Variants in RANBP17 observed in about 807,000 individuals in gnomAD.
RANBP17 encodes the protein ran-binding protein 17.
In RANBP17, 158 loss-of-function variants were observed where a neutral mutation model predicts 141.2. That is an observed-to-expected ratio of 1.12 (90% confidence interval 0.98 to 1.28). The LOEUF (loss-of-function observed/expected upper bound fraction) is 1.28, where lower values mean the gene tolerates loss of function less well. Among genes scored for constraint, RANBP17 ranks in the 50% most tolerant of loss-of-function variants. RANBP17 has a pLI of 0.00. For missense variants in RANBP17, 1,438 were observed against 1,290.7 expected, an observed-to-expected ratio of 1.11 and a Z score of -1.75; for synonymous variants, 430 against 450.0, an observed-to-expected ratio of 0.96 and a Z score of 0.56.
intron 12 of RANBP17, among the ~76,000 whole-genome samples, chr5:170,948,905 A>G (rs1219772776): frequency 6.6e-6 from 1 of 152,104 alleles, no homozygotes; most frequent in Non-Finnish European, 1.5e-5. Flanking sequence ...TAATCCCAGC[A>G]GTTTGGGAGG....
intron 24 of RANBP17, among the ~76,000 whole-genome samples, chr5:171,249,200 A>G (rs1316398641): frequency 6.6e-6 from 1 of 152,164 alleles, no homozygotes; most frequent in Non-Finnish European, 1.5e-5. Context: ...ATACTACACT[A>G]CTATACTACT....
At chr5:170,999,353 T>G (rs942795863) in intron 14 of RANBP17, among the ~76,000 whole-genome samples, 8 of 152,270 alleles carry the variant, frequency 5.3e-5, no homozygotes, top group African/African-American at 1.9e-4. Context: ...TGGCTTTATT[T>G]TATACTGCTA....
At chr5:171,061,129 T>G (rs1402969490) in intron 14 of RANBP17, among the ~76,000 whole-genome samples, 2 of 152,130 alleles carry the variant, frequency 1.3e-5, no homozygotes, top group Non-Finnish European at 2.9e-5. Flanking sequence ...GATTCATTGA[T>G]TTTTGGAAGG....
intron 24 of RANBP17, among the ~76,000 whole-genome samples, chr5:171,258,350 A>G (rs1050143178): frequency 6.6e-6 from 1 of 152,136 alleles, no homozygotes; most frequent in Non-Finnish European, 1.5e-5. Context: ...CTATCAAAAT[A>G]CCATCCTTCT....
intron 27 of RANBP17, among the ~76,000 whole-genome samples, chr5:171,297,845 T>G (rs1768912312): frequency 7.3e-6 from 1 of 136,204 alleles, no homozygotes; most frequent in Non-Finnish European, 1.6e-5. Context: ...CCCAATAAAT[T>G]CTTTTTTTTT....
intron 14 of RANBP17, among the ~76,000 whole-genome samples, chr5:171,152,179 G>A (rs1353560080): frequency 2.0e-5 from 3 of 151,718 alleles, no homozygotes; most frequent in East Asian, 1.9e-4. Flanking sequence ...TTGGGAGTCC[G>A]AGGCAGGAGG....
At chr5:171,251,252 CT>C (rs1408301154) in intron 24 of RANBP17, among the ~76,000 whole-genome samples, 23 of 147,286 alleles carry the variant, frequency 1.6e-4, no homozygotes, top group Admixed American at 3.4e-4. Context: ...CCATGCCCAG[CT>C]TTTTTTTTTA....
Position 171,299,212 on chromosome 5 carries a change from T to A in RANBP17, c.*354T>A. The A allele has an allele frequency of 4.0e-6, 1 of 247,944 alleles. No homozygotes were observed. Among genetic ancestry groups the A allele is most frequent in the Non-Finnish European group, 7.9e-6 (1 of 127,096 alleles). The allele number at this position is 247,944 out of a possible 1,614,324, so 15.4% of individuals were successfully genotyped here. Reference sequence around the variant, plus strand: ...CTAGTTTATGGTTCTGCAGTCAAGGTTGTCAATTTGTTGGAGATGCAGCCT... The same window carrying A: ...CTAGTTTATGGTTCTGCAGTCAAGGATGTCAATTTGTTGGAGATGCAGCCT... On this transcript the variant is annotated 3_prime_UTR_variant, in exon 28 of 28. Coordinates refer to ENST00000523189, the MANE Select transcript of RANBP17 (RefSeq NM_022897.5).
At chr5:171,088,917 T>C (rs374876184) in intron 14 of RANBP17, among the ~76,000 whole-genome samples, 45 of 152,102 alleles carry the variant, frequency 3.0e-4, no homozygotes, top group Admixed American at 1.6e-3. Flanking sequence ...AATGTCCTCC[T>C]GTAGCTCAGA....
chr5:171,076,380 T>C (rs949331840), intron 14 of RANBP17, among the ~76,000 whole-genome samples: 1 of 152,210 alleles, frequency 6.6e-6, no homozygotes, highest in Non-Finnish European at 1.5e-5. Context: ...ACTGGAAATA[T>C]CACTATAATC....
chr5:171,279,536 A>G (rs1234743447), intron 25 of RANBP17, among the ~76,000 whole-genome samples: 1 of 152,206 alleles, frequency 6.6e-6, no homozygotes, highest in African/African-American at 2.4e-5. Context: ...CAGAGCCCTC[A>G]TGCCTAATCA....
chr5:171,228,633 T>C (rs1262951601), intron 22 of RANBP17, among the ~76,000 whole-genome samples: 1 of 152,218 alleles, frequency 6.6e-6, no homozygotes, highest in Non-Finnish European at 1.5e-5. Flanking sequence ...TACAGAGAAA[T>C]CTTTTGTGAA....
intron 11 of RANBP17, among the ~76,000 whole-genome samples, chr5:170,920,660 A>G (rs1332433943): frequency 6.6e-6 from 1 of 152,014 alleles, no homozygotes; most frequent in Non-Finnish European, 1.5e-5. Context: ...CATGTGCACA[A>G]TGTCTTGCCA....
chr5:170,935,230 C>G (rs1397992713), intron 12 of RANBP17, among the ~76,000 whole-genome samples: 2 of 152,310 alleles, frequency 1.3e-5, no homozygotes, highest in South Asian at 4.1e-4. Context: ...GGTTTAGCTT[C>G]TTTGCAATGG....
intron 14 of RANBP17, among the ~76,000 whole-genome samples, chr5:171,158,866 T>G (rs1165039197): frequency 1.3e-5 from 2 of 152,188 alleles, no homozygotes; most frequent in East Asian, 3.9e-4. Context: ...CTCTCTAACC[T>G]TCCTAAAGAT....
chr5:170,971,712 C>T (rs1009398531), intron 14 of RANBP17, among the ~76,000 whole-genome samples: 2 of 152,100 alleles, frequency 1.3e-5, no homozygotes, highest in Admixed American at 1.3e-4. Flanking sequence ...GTGAATTTTA[C>T]TTTTGGAGTA....
In RANBP17 at chr5:170,917,892, CA is replaced by C. The variant is rs1772106770; in HGVS notation, c.955-817del. Among the ~76,000 whole-genome samples the C allele has an allele frequency of 2.0e-5, 3 of 152,134 alleles. No homozygotes were observed. The South Asian group carries it at 6.2e-4, about 32-fold the overall frequency. ...AACATGTTTTAAAGATGTATGATTACAAAATTTTTTTGGTTATTTTTCTTTA... is the reference window on the plus strand; with the variant it reads ...AACATGTTTTAAAGATGTATGATTACAAATTTTTTTGGTTATTTTTCTTTA... On this transcript the variant is annotated intron_variant, in intron 9 of 27. Transcript: ENST00000523189.
At chr5:170,999,373 C>G (rs1405256943) in intron 14 of RANBP17, among the ~76,000 whole-genome samples, 1 of 151,992 alleles carries the variant, frequency 6.6e-6, no homozygotes, top group East Asian at 1.9e-4. Context: ...AATAAAGGCA[C>G]ATTATGTTCA....
intron 3 of RANBP17, among the ~76,000 whole-genome samples, chr5:170,883,558 A>T (rs777054260): frequency 1.3e-5 from 2 of 152,216 alleles, no homozygotes; most frequent in African/African-American, 4.8e-5. Context: ...AGTATTATAC[A>T]GAATAGTTTT....
Sources: allele counts gnomAD v4.1 joint callset (sites outside exome capture counted in the v4.1 genomes callset), GRCh38; gene constraint gnomAD v4.1.1; transcripts MANE v1.5; gene names NCBI Gene and HGNC (gene_info 2026-07-23, HGNC 2026-07-21).